The following TRPC5 variants were observed in gnomAD, a reference collection of about 807,000 sequenced individuals.
The protein encoded by TRPC5 is short transient receptor potential channel 5.
TRPC5 carries 9 observed loss-of-function variants against 56.5 expected under a neutral mutation model. That is an observed-to-expected ratio of 0.16 (90% confidence interval 0.10 to 0.28). The LOEUF is 0.28. TRPC5 is among the 10% of genes least tolerant of loss of function. The pLI is 1.00. For missense variants in TRPC5, 469 were observed against 748.9 expected, an observed-to-expected ratio of 0.63 and a Z score of 4.36; for synonymous variants, 282 against 278.5, an observed-to-expected ratio of 1.01 and a Z score of -0.13.
rs147730150 is a variant in TRPC5 at position 111,975,066 on chromosome X, G to T, written c.-21-22625C>A. Among the ~76,000 whole-genome samples, 890 of 110,790 alleles carry T rather than the reference G, an allele frequency of 8.0e-3. 8 individuals are homozygous for T. Among genetic ancestry groups the T allele is most frequent in the African/African-American group, 0.027 (836 of 30,430 alleles). On this transcript the variant is annotated intron_variant, in intron 1 of 10. Transcript: ENST00000262839. ...TCTATGCCCAGAAAGCACCTGAGAA[G>T]GCCCTAATCACTCATGTAAGAGTGA...
chrX:112,047,011 G>A (rs1475736235), intron 1 of TRPC5, among the ~76,000 whole-genome samples: 1 of 111,802 alleles, frequency 8.9e-6, no homozygotes, highest in Non-Finnish European at 1.9e-5. Context: ...ACTTTGAGAA[G>A]GAATCGCTCC....
rs373542762 is a variant in TRPC5 at position 111,781,971 on chromosome X, G to A, written c.2064C>T (p.Asp688=). Residue 688 remains aspartate (D), a synonymous_variant, in exon 8 of 11, where the codon GAC becomes GAT. Transcript: ENST00000262839. The stretch of plus-strand genomic sequence containing the variant: ...TCAAGTTGCGCCTTCTCCGTCTACC[G>A]TCAGGGTCTCTTTTGGGGCAGAAGG... ...NNTFCPKRDP[D]GRRRRRNLRS... 92 of 1,203,885 alleles carry A rather than the reference G, an allele frequency of 7.6e-5. 1 individual carries two copies. The highest frequency in any genetic ancestry group is 4.7e-4 in the African/African-American group (27 of 57,118).
At chrX:111,783,777 C>G (rs887423894) in intron 7 of TRPC5, among the ~76,000 whole-genome samples, 38 of 111,131 alleles carry the variant, frequency 3.4e-4, no homozygotes, top group Non-Finnish European at 4.1e-4. Flanking sequence ...TCAAAATTAT[C>G]ATGTTTATAA....
chrX:111,929,640 C>T (rs1926353380), intron 2 of TRPC5, among the ~76,000 whole-genome samples: 1 of 112,365 alleles, frequency 8.9e-6, no homozygotes, highest in Admixed American at 9.4e-5. Flanking sequence ...TCTTGCCTCT[C>T]TACTAAGCCA....
At chrX:111,818,884 G>A (rs1207407478) in intron 7 of TRPC5, among the ~76,000 whole-genome samples, 2 of 111,582 alleles carry the variant, frequency 1.8e-5, no homozygotes, top group East Asian at 2.8e-4. Context: ...GATTACAGGC[G>A]TGAGCCACCG....
intron 1 of TRPC5, among the ~76,000 whole-genome samples, chrX:111,975,037 T>C (rs1255367219): frequency 2.7e-5 from 3 of 110,937 alleles, no homozygotes; most frequent in African/African-American, 6.6e-5. Context: ...AATGTATGGC[T>C]GTGTCTATGC....
At chrX:111,961,797 T>C (rs1329557956) in intron 1 of TRPC5, among the ~76,000 whole-genome samples, 5 of 112,192 alleles carry the variant, frequency 4.5e-5, no homozygotes, top group Non-Finnish European at 5.6e-5. Context: ...TAAATTATTT[T>C]ATTGATTTAA....
intron 1 of TRPC5, among the ~76,000 whole-genome samples, chrX:111,986,711 C>T: frequency 9.0e-6 from 1 of 111,248 alleles, no homozygotes; most frequent in Non-Finnish European, 1.9e-5. Flanking sequence ...TATGGGCTTC[C>T]CACATATCCC....
chrX:112,064,849 C>A (rs745736324), intron 1 of TRPC5, among the ~76,000 whole-genome samples: 1 of 110,808 alleles, frequency 9.0e-6, no homozygotes, highest in Admixed American at 9.5e-5. Flanking sequence ...CTGAGGCGGG[C>A]GGATCACGAG....
chrX:111,848,246 G>A (rs1922986572), intron 5 of TRPC5, among the ~76,000 whole-genome samples: 1 of 111,439 alleles, frequency 9.0e-6, no homozygotes, highest in Admixed American at 9.6e-5. Context: ...CAGGTTTCCA[G>A]CCCCCGGCAT....
intron 1 of TRPC5, among the ~76,000 whole-genome samples, chrX:112,076,624 C>G (rs1930841443): frequency 8.9e-6 from 1 of 111,828 alleles, no homozygotes; most frequent in African/African-American, 3.3e-5. Context: ...ATTTGTCCAT[C>G]AAATGATGCG....
intron 1 of TRPC5, among the ~76,000 whole-genome samples, chrX:112,072,623 C>G (rs1930742822): frequency 8.9e-6 from 1 of 111,979 alleles, no homozygotes; most frequent in Admixed American, 9.5e-5. Context: ...GCATCACTGT[C>G]CACTCAATCA....
intron 1 of TRPC5, among the ~76,000 whole-genome samples, chrX:111,967,603 T>C (rs1374443166): frequency 8.9e-6 from 1 of 111,922 alleles, no homozygotes; most frequent in African/African-American, 3.3e-5. Context: ...CAAAACAGCA[T>C]GGTACTGGTA....
At chrX:111,942,958 A>G (rs760162945) in intron 2 of TRPC5, among the ~76,000 whole-genome samples, 1 of 112,041 alleles carries the variant, frequency 8.9e-6, no homozygotes, top group Non-Finnish European at 1.9e-5. Flanking sequence ...TGAATAAATG[A>G]CATTAGTCAG....
intron 6 of TRPC5, among the ~76,000 whole-genome samples, chrX:111,842,429 C>T (rs934609683): frequency 1.1e-4 from 12 of 110,957 alleles, no homozygotes; most frequent in South Asian, 7.4e-4. Context: ...TGAGCCACAG[C>T]GCCCAGCCCA....
At chrX:112,069,777 G>A (rs1346546996) in intron 1 of TRPC5, among the ~76,000 whole-genome samples, 1 of 111,432 alleles carries the variant, frequency 9.0e-6, no homozygotes. Context: ...GAGTCTCAAG[G>A]GAGCCAAACC....
At chrX:111,802,939 A>G (rs1208924510) in intron 7 of TRPC5, among the ~76,000 whole-genome samples, 3 of 110,706 alleles carry the variant, frequency 2.7e-5, no homozygotes, top group Non-Finnish European at 5.7e-5. Context: ...ATAGGTATAC[A>G]TGCGCCATGT....
intron 7 of TRPC5, among the ~76,000 whole-genome samples, chrX:111,784,933 G>T (rs1036917479): frequency 1.8e-5 from 2 of 112,417 alleles, no homozygotes; most frequent in African/African-American, 6.5e-5. Flanking sequence ...ACTGGGGGGA[G>T]CCCACTGTAG....
chrX:111,770,478 G>T lies in TRPC5; in HGVS notation c.*5835C>A, dbSNP rs1945836725. On this transcript the variant is annotated 3_prime_UTR_variant, in exon 11 of 11. Coordinates refer to ENST00000262839, the MANE Select transcript of TRPC5 (RefSeq NM_012471.3). ...TGAATTTCATTAAAGGAGAAATGAT[G>T]ATGCTAATGTTTTAATTAACCATTT... is the stretch of plus-strand genomic sequence containing the variant. Among the ~76,000 whole-genome samples, 1 of 112,127 alleles carries T rather than the reference G, an allele frequency of 8.9e-6. No individual in the cohort carries two copies. The highest frequency in any genetic ancestry group is 1.9e-5 in the Non-Finnish European group (1 of 53,216).
Sources: allele counts gnomAD v4.1 joint callset (sites outside exome capture counted in the v4.1 genomes callset), GRCh38; gene constraint gnomAD v4.1.1; transcripts MANE v1.5; gene names NCBI Gene and HGNC (gene_info 2026-07-23, HGNC 2026-07-21).